The following MIGA2 variants were observed in gnomAD, a reference collection of about 807,000 sequenced individuals.
MIGA2 encodes the protein family with sequence similarity 73, member B.
Under a neutral mutation model 69.9 loss-of-function variants are expected in MIGA2, and 36 were observed. That is an observed-to-expected ratio of 0.52 (90% CI 0.39 to 0.68). The LOEUF is 0.68. Among genes scored for constraint, MIGA2 ranks in the 30% least tolerant of loss-of-function variants. The pLI, the probability that MIGA2 is intolerant of heterozygous loss-of-function variation, is 0.00. For missense variants in MIGA2, 660 were observed against 787.7 expected (o/e 0.84, Z 1.94); for synonymous variants, 333 against 349.2 (o/e 0.95, Z 0.52).
At position 129,069,936 on chromosome 9, in the gene MIGA2, C is replaced by T. The variant is rs1178688124; in HGVS notation, c.1546C>T (p.Gln516Ter). 1.2e-6 allele frequency: 2 copies of T among 1,611,270 alleles called. No homozygotes were observed. Among genetic ancestry groups the T allele is most frequent in the African/African-American group, 2.7e-5 (2 of 74,798 alleles). ...CTTCGGCTTCCTTGGACCCAAGCCT[C>T]AGCTTGCTGAAGTCTGTGCTTTCTT... ...LAFGFLGPKPQLAEVCAFFKH... is the reference protein window; with the variant it reads ...LAFGFLGPKP The change falls in exon 15 of 16, where the codon CAG becomes TAG. Residue 516 changes from glutamine (Q) to a stop codon, truncating the protein, a stop_gained. Coordinates refer to ENST00000684074, the MANE Select transcript of MIGA2 (RefSeq NM_001329990.2). LOFTEE classifies it high-confidence loss of function. This position sits in a 1 kb window ranked among gnomAD's most constrained non-coding sequence, Gnocchi z 4.9.
chr9:129,070,354 C>G lies in MIGA2; in HGVS notation c.1683C>G (p.Ser561Arg). 6.2e-7 allele frequency: 1 copy of G among 1,612,986 alleles called. No homozygotes were observed. Among genetic ancestry groups the G allele is most frequent in the Non-Finnish European group, 8.5e-7 (1 of 1,179,958 alleles). Residue 561 changes from serine (S) to arginine (R), a missense_variant, in exon 16 of 16, where the codon AGC becomes AGG. Ser to Arg is a moderately radical substitution (Grantham distance 110, BLOSUM62 -1). Coordinates refer to ENST00000684074, the MANE Select transcript of MIGA2 (RefSeq NM_001329990.2). ...DDILQLSRRR[S>R]EILLGYLGVP... ...TCCTGCAGCTGTCCCGGCGCCGCAG[C>G]GAGATATTGCTGGGGTACCTGGGGG... is the stretch of plus-strand genomic sequence containing the variant.
At position 129,063,332 on chromosome 9, in the gene MIGA2, G is replaced by C; in HGVS notation, c.1083+16G>C. On this transcript the variant is annotated intron_variant, in intron 10 of 15. Coordinates refer to ENST00000684074, the MANE Select transcript of MIGA2 (RefSeq NM_001329990.2). ...GGCCTTCGAGGTGGGTGTGGCCTGG[G>C]GGTTCCTCGGGGGTGGGAGGCAAGG... 4.3e-6 allele frequency: 7 copies of C among 1,613,842 alleles called. No homozygotes were observed. The highest frequency in any genetic ancestry group is 5.9e-6 in the Non-Finnish European group (7 of 1,179,992).
chr9:129,042,471 C>T lies in MIGA2; in HGVS notation c.264C>T (p.Pro88=), dbSNP rs538683313. The change falls in exon 3 of 16, where the codon CCC becomes CCT. Residue 88 remains proline (P), a synonymous_variant. Coordinates refer to ENST00000684074, the MANE Select transcript of MIGA2 (RefSeq NM_001329990.2). ...GAGGGGAGCAGCTGGGCACGGTGCC[C>T]CTCCCTATCCTCTTGGCCAGGAAGG... is the stretch of plus-strand genomic sequence containing the variant. ...EMGGEQLGTV[P]LPILLARKVP... is the part of the protein sequence containing the mutation. The T allele has an allele frequency of 6.9e-6, 11 of 1,599,842 alleles. No individual in the cohort carries two copies. The South Asian group carries it at 1.0e-4, about 15-fold the overall frequency.
chr9:129,053,649 G>T (rs1845661008), intron 6 of MIGA2, among the ~76,000 whole-genome samples: 1 of 152,266 alleles, frequency 6.6e-6, no homozygotes, highest in African/African-American at 2.4e-5. Context: ...TTACAGGCAT[G>T]AGCCACTGCG....
At chr9:129,067,259 A>T (rs1483394085) in intron 11 of MIGA2, among the ~76,000 whole-genome samples, 2 of 152,328 alleles carry the variant, frequency 1.3e-5, no homozygotes, top group East Asian at 3.9e-4. Context: ...AACCCCAGCT[A>T]ACCCCCAGGG....
In MIGA2 at chr9:129,048,316, C is replaced by G. The variant is rs752424008; in HGVS notation, c.308-111C>G. The G allele has an allele frequency of 4.4e-6, 4 of 917,126 alleles. No homozygotes were observed. In the African/African-American group the frequency reaches 4.9e-5, roughly 11 times the overall value. The allele number at this position is 917,126 out of a possible 1,614,324, so 56.8% of individuals were successfully genotyped here. On this transcript the variant is annotated intron_variant, in intron 3 of 15. Coordinates refer to ENST00000684074, the MANE Select transcript of MIGA2 (RefSeq NM_001329990.2). ...CCTCTGTTCCCCTGACTTAGAAGGT[C>G]GGGACCGATTCCCAGATGAGGAAGA...
In MIGA2 at chr9:129,061,575, A is replaced by G. The variant is rs1846070858; in HGVS notation, c.1010+229A>G. ...AATAATGACAGTAACAAATGAACAT[A>G]ATTAATAAAGAACAATAGTTACTAC... On this transcript the variant is annotated intron_variant, in intron 9 of 15. Coordinates refer to ENST00000684074, the MANE Select transcript of MIGA2 (RefSeq NM_001329990.2). The surrounding 1 kb of genome is among the most constrained non-coding windows in gnomAD (Gnocchi z 5.0). Among the ~76,000 whole-genome samples the G allele has an allele frequency of 6.6e-6, 1 of 152,200 alleles. No individual in the cohort carries two copies. Among genetic ancestry groups the G allele is most frequent in the African/African-American group, 2.4e-5 (1 of 41,440 alleles).
intron 2 of MIGA2, 120 bp from the exon 3 acceptor site, chr9:129,042,184 G>A: frequency 1.0e-6 from 1 of 952,760 alleles, no homozygotes; most frequent in Non-Finnish European, 1.6e-6. Flanking sequence ...TCTCTCATCT[G>A]GTCGGCAGAT....
intron 1 of MIGA2, among the ~76,000 whole-genome samples, chr9:129,039,497 G>T (rs1844786044): frequency 6.6e-6 from 1 of 151,010 alleles, no homozygotes; most frequent in African/African-American, 2.4e-5. Context: ...CTCCCTCCTC[G>T]GCCTCCCAAA....
intron 3 of MIGA2, chr9:129,047,230 AC>A (rs1845275286): frequency 6.6e-6 from 1 of 151,456 alleles, no homozygotes; most frequent in Non-Finnish European, 1.5e-5. Context: ...AACAGGTGCC[AC>A]CATACCTGGC....
chr9:129,066,472 A>G (rs1846347859), intron 11 of MIGA2, among the ~76,000 whole-genome samples: 1 of 151,896 alleles, frequency 6.6e-6, no homozygotes, highest in African/African-American at 2.4e-5. Context: ...CAGGAGATCA[A>G]GACCATCCTG....
chr9:129,069,202 A>G lies in MIGA2; in HGVS notation c.1458+73A>G, dbSNP rs1162639606. Reference sequence around the variant, plus strand: ...GCGTGGTGGGGAGCGGAGCGGGTGCAGGGTGGCTCGCTGGGCCACTTGGCC... The same window carrying G: ...GCGTGGTGGGGAGCGGAGCGGGTGCGGGGTGGCTCGCTGGGCCACTTGGCC... On this transcript the variant is annotated intron_variant, in intron 14 of 15. Coordinates refer to ENST00000684074, the MANE Select transcript of MIGA2 (RefSeq NM_001329990.2). This position sits in a 1 kb window ranked among gnomAD's most constrained non-coding sequence, Gnocchi z 4.9. 6.3e-7 allele frequency: 1 copy of G among 1,594,034 alleles called. No individual in the cohort carries two copies. The highest frequency in any genetic ancestry group is 8.6e-7 in the Non-Finnish European group (1 of 1,165,594).
rs1012329536 is a variant in MIGA2 at position 129,044,562 on chromosome 9, G to GT, written c.307+2056dup. 7.5e-4 allele frequency among the ~76,000 whole-genome samples: 113 copies of GT among 151,510 alleles called. 1 individual carries two copies. The Middle Eastern group carries it at 0.01, about 14-fold the overall frequency. On this transcript the variant is annotated intron_variant, in intron 3 of 15. Coordinates refer to ENST00000684074, the MANE Select transcript of MIGA2 (RefSeq NM_001329990.2). ...CAGGAGTTCTCATCTTGGGAGACTTGTTTTTTTTGAAACACAGTCTCACTC... is the reference window on the plus strand; with the variant it reads ...CAGGAGTTCTCATCTTGGGAGACTTGTTTTTTTTTGAAACACAGTCTCACTC...
At chr9:129,066,410 C>A (rs1033384415) in intron 11 of MIGA2, among the ~76,000 whole-genome samples, 1 of 152,202 alleles carries the variant, frequency 6.6e-6, no homozygotes, top group African/African-American at 2.4e-5. Context: ...CGCAGTGGCT[C>A]ACGCCTGTAA....
In MIGA2 at chr9:129,068,054, C is replaced by T. The variant is rs574148729; in HGVS notation, c.1270-144C>T. 2,340 of 1,323,762 alleles carry T rather than the reference C, an allele frequency of 1.8e-3. 14 individuals are homozygous for T. The highest frequency in any genetic ancestry group is 2.0e-3 in the Non-Finnish European group (1,876 of 931,416). 82.0% of individuals were successfully genotyped at this position (1,323,762 alleles called of 1,614,324 possible). ...AGGGAGGAATGGCCTCAGCTACACC[C>T]GTTGCACAGCAGAGCGGGAAAGACG... On this transcript the variant is annotated intron_variant, in intron 12 of 15. Coordinates refer to ENST00000684074, the MANE Select transcript of MIGA2 (RefSeq NM_001329990.2). The surrounding 1 kb of genome is among the most constrained non-coding windows in gnomAD (Gnocchi z 4.1).
intron 3 of MIGA2, among the ~76,000 whole-genome samples, chr9:129,045,357 G>A (rs1208146325): frequency 2.1e-5 from 3 of 144,902 alleles, no homozygotes; most frequent in Non-Finnish European, 3.0e-5. Flanking sequence ...CAGAAGGATC[G>A]CTTGAACCCG....
At chr9:129,036,969 T>A (rs1359121382) in intron 1 of MIGA2, 51 of 1,002,222 alleles carry the variant, frequency 5.1e-5, no homozygotes, top group Non-Finnish European at 6.0e-5. Context: ...GCACCCGGGA[T>A]GGAAGGAGCA....
At chr9:129,049,268 G>C (rs967602650) in intron 4 of MIGA2, 113 bp from the exon 5 acceptor site, 4 of 966,366 alleles carry the variant, frequency 4.1e-6, no homozygotes, top group Non-Finnish European at 3.2e-6. Flanking sequence ...CTCAGGGATG[G>C]CATTTGGAGG....
Position 129,040,659 on chromosome 9 carries a change from T to C in MIGA2, c.65T>C (p.Ile22Thr). ...IQALAMTVAE[I>T]PVFLYTTFGQ... ...GCCCTGGCCATGACGGTGGCCGAGA[T>C]CCCCGTGTTCCTGTACACGACGTTT... The change falls in exon 2 of 16, where the codon ATC becomes ACC. Residue 22 changes from isoleucine to threonine, a missense_variant. By Grantham distance (89) the Ile-to-Thr change is moderately conservative. Transcript: ENST00000684074. 1 of 1,613,868 alleles carries C rather than the reference T, an allele frequency of 6.2e-7. No homozygotes were observed.
Sources: gnomAD v4.1 joint callset for allele counts (sites outside exome capture counted in the v4.1 genomes callset) on GRCh38, gnomAD v4.1.1 for gene constraint, Gnocchi (gnomAD v3.1) non-coding constraint, MANE v1.5 for transcripts, NCBI Gene and HGNC (gene_info 2026-07-23, HGNC 2026-07-21) for gene names.